Variants in LRRTM4 observed in about 807,000 individuals in gnomAD.
The protein encoded by LRRTM4 is leucine rich repeat transmembrane neuronal 4, also known as leucine-rich repeat transmembrane neuronal protein 4.
A neutral mutation model predicts 47.6 loss-of-function variants in LRRTM4; 25 were observed. The observed-to-expected ratio is 0.53, with a 90% CI of 0.38 to 0.73. The LOEUF (loss-of-function observed/expected upper bound fraction) is 0.73. Among genes scored for constraint, LRRTM4 ranks in the 30% least tolerant of loss-of-function variants. The pLI is 0.00. For synonymous variants in LRRTM4, 311 were observed against 269.5 expected, an observed-to-expected ratio of 1.15 and a Z score of -1.51; for missense variants, 638 against 713.4, an observed-to-expected ratio of 0.89 and a Z score of 1.20.
intron 3 of LRRTM4, among the ~76,000 whole-genome samples, chr2:76,791,699 A>ATGAG (rs1216093178): frequency 2.6e-5 from 4 of 152,208 alleles, no homozygotes; most frequent in African/African-American, 9.6e-5. Flanking sequence ...ATATGGAGAA[A>ATGAG]TGCCACAGTG....
At chr2:77,221,439 G>C in intron 3 of LRRTM4, among the ~76,000 whole-genome samples, 1 of 152,148 alleles carries the variant, frequency 6.6e-6, no homozygotes, top group Non-Finnish European at 1.5e-5. Context: ...AGACCCATCA[G>C]TGTGCTGTAT....
At chr2:77,086,735 T>C (rs1000419232) in intron 3 of LRRTM4, among the ~76,000 whole-genome samples, 1 of 152,058 alleles carries the variant, frequency 6.6e-6, no homozygotes, top group African/African-American at 2.4e-5. Context: ...CCTCAGGTAA[T>C]CCGGCTGCCA....
At chr2:77,225,491 A>G (rs1674780120) in intron 3 of LRRTM4, among the ~76,000 whole-genome samples, 2 of 151,866 alleles carry the variant, frequency 1.3e-5, no homozygotes, top group South Asian at 2.1e-4. Context: ...ATGTGTACAT[A>G]TATTAACTCA....
chr2:77,135,550 C>G (rs374070644), intron 3 of LRRTM4, among the ~76,000 whole-genome samples: 7 of 152,140 alleles, frequency 4.6e-5, no homozygotes, highest in Admixed American at 3.9e-4. Flanking sequence ...AGGATTTGAT[C>G]GAGAAAGTAA....
At chr2:77,090,766 G>C (rs1210733007) in intron 3 of LRRTM4, among the ~76,000 whole-genome samples, 1 of 152,124 alleles carries the variant, frequency 6.6e-6, no homozygotes, top group Non-Finnish European at 1.5e-5. Flanking sequence ...CAACTTACCT[G>C]GCAGCCACTC....
intron 3 of LRRTM4, among the ~76,000 whole-genome samples, chr2:77,172,297 C>T (rs1364130539): frequency 6.6e-6 from 1 of 152,062 alleles, no homozygotes; most frequent in Non-Finnish European, 1.5e-5. Context: ...CTACTATATT[C>T]ATTTAAAGGG....
chr2:77,219,178 G>A (rs550848003), intron 3 of LRRTM4, among the ~76,000 whole-genome samples: 1 of 152,282 alleles, frequency 6.6e-6, no homozygotes, highest in South Asian at 2.1e-4. Flanking sequence ...TATTTGAGTA[G>A]GGGGAGAGCT....
intron 3 of LRRTM4, among the ~76,000 whole-genome samples, chr2:76,857,669 T>G (rs939396868): frequency 1.1e-4 from 17 of 152,180 alleles, no homozygotes; most frequent in African/African-American, 3.6e-4. Flanking sequence ...TTTATACTGA[T>G]AGTGGTGATT....
intron 3 of LRRTM4, among the ~76,000 whole-genome samples, chr2:77,195,250 A>G (rs1366624335): frequency 6.6e-6 from 1 of 151,884 alleles, no homozygotes; most frequent in African/African-American, 2.4e-5. Context: ...ACATGCCACT[A>G]AAATATATTT....
chr2:76,794,832 G>A (rs1236363582), intron 3 of LRRTM4, among the ~76,000 whole-genome samples: 2 of 151,630 alleles, frequency 1.3e-5, no homozygotes, highest in Non-Finnish European at 3.0e-5. Context: ...CAATGAAACT[G>A]ACCCTACTTA....
chr2:77,267,411 T>C (rs1303295045), intron 3 of LRRTM4, among the ~76,000 whole-genome samples: 1 of 152,182 alleles, frequency 6.6e-6, no homozygotes, highest in Non-Finnish European at 1.5e-5. Flanking sequence ...CCACCTTGAA[T>C]ACTGCATCCT....
intron 3 of LRRTM4, among the ~76,000 whole-genome samples, chr2:76,880,095 C>A (rs1293593650): frequency 6.6e-6 from 1 of 152,126 alleles, no homozygotes; most frequent in South Asian, 2.1e-4. Flanking sequence ...TGAAATGACA[C>A]AAAGGACATG....
chr2:76,969,640 A>G (rs1013444244), intron 3 of LRRTM4, among the ~76,000 whole-genome samples: 3 of 151,982 alleles, frequency 2.0e-5, no homozygotes, highest in African/African-American at 4.8e-5. Context: ...AAAAAATGCC[A>G]TAACAACAAA....
At chr2:76,918,898 C>G (rs753336793) in intron 3 of LRRTM4, among the ~76,000 whole-genome samples, 1 of 152,076 alleles carries the variant, frequency 6.6e-6, no homozygotes, top group Admixed American at 6.6e-5. Context: ...TCAAGATAAC[C>G]CTTTGGCTCA....
chr2:77,138,593 G>C (rs942056832), intron 3 of LRRTM4, among the ~76,000 whole-genome samples: 1 of 152,122 alleles, frequency 6.6e-6, no homozygotes, highest in East Asian at 1.9e-4. Context: ...ACATTCAAAA[G>C]CTAGCAGAAG....
chr2:76,939,422 T>C (rs552433708), intron 3 of LRRTM4, among the ~76,000 whole-genome samples: 2 of 152,100 alleles, frequency 1.3e-5, no homozygotes, highest in African/African-American at 2.4e-5. Context: ...TCTTTAAGAA[T>C]TGAAAAATTA....
intron 3 of LRRTM4, among the ~76,000 whole-genome samples, chr2:77,309,230 A>G (rs528217320): frequency 2.0e-5 from 3 of 152,280 alleles, no homozygotes; most frequent in East Asian, 1.9e-4. Flanking sequence ...AACATGGACT[A>G]AAAAACCAAA....
intron 3 of LRRTM4, among the ~76,000 whole-genome samples, chr2:77,369,471 C>T (rs1305002212): frequency 1.3e-5 from 2 of 151,568 alleles, no homozygotes; most frequent in Non-Finnish European, 3.0e-5. Context: ...ATATAATCTA[C>T]AACATGAAGA....
intron 3 of LRRTM4, among the ~76,000 whole-genome samples, chr2:77,167,693 A>G (rs755144607): frequency 6.6e-6 from 1 of 152,162 alleles, no homozygotes; most frequent in Non-Finnish European, 1.5e-5. Flanking sequence ...TGAGCAAACT[A>G]TCACAAGGAC....
Sources: allele counts gnomAD v4.1 joint callset (sites outside exome capture counted in the v4.1 genomes callset), GRCh38; gene constraint gnomAD v4.1.1; transcripts MANE v1.5; gene names NCBI Gene and HGNC (gene_info 2026-07-23, HGNC 2026-07-21).